MIER3: variants seen among roughly 807,000 people sequenced by gnomAD.
The protein encoded by MIER3 is mesoderm induction early response protein 3.
A neutral mutation model predicts 63.2 loss-of-function variants in MIER3; 9 were observed. The observed-to-expected ratio is 0.14, with a 90% CI of 0.09 to 0.25. The LOEUF (loss-of-function observed/expected upper bound fraction) is 0.25, where lower values mean the gene tolerates loss of function less well. MIER3 is among the 10% of genes least tolerant of loss of function. MIER3 has a pLI of 1.00. For synonymous variants in MIER3, 205 were observed against 224.9 expected, an observed-to-expected ratio of 0.91 and a Z score of 0.79; for missense variants, 512 against 666.2, an observed-to-expected ratio of 0.77 and a Z score of 2.55.
chr5:56,921,862 A>G lies in MIER3; in HGVS notation c.*1266T>C, dbSNP rs1017587713. 2.6e-5 allele frequency: 4 copies of G among 152,638 alleles called. No homozygotes were observed. The highest frequency in any genetic ancestry group is 2.1e-4 in the South Asian group (1 of 4,836). The allele number at this position is 152,638 out of a possible 1,614,324, so 9.5% of individuals were successfully genotyped here. Reference sequence around the variant, plus strand: ...TATTACATATTGTTTGATTCACCTTATAACTTAAAAATGCATGTTTATAGC... The same window carrying G: ...TATTACATATTGTTTGATTCACCTTGTAACTTAAAAATGCATGTTTATAGC... On this transcript the variant is annotated 3_prime_UTR_variant, in exon 13 of 13. Coordinates refer to ENST00000381199, the MANE Select transcript of MIER3 (RefSeq NM_001297599.2).
intron 3 of MIER3, among the ~76,000 whole-genome samples, chr5:56,939,689 G>A (rs1407603173): frequency 6.6e-6 from 1 of 152,090 alleles, no homozygotes; most frequent in Non-Finnish European, 1.5e-5. Flanking sequence ...TACATACCCT[G>A]GCTACAGTGC....
intron 10 of MIER3, among the ~76,000 whole-genome samples, chr5:56,924,829 G>T (rs1749881939): frequency 6.6e-6 from 1 of 152,218 alleles, no homozygotes; most frequent in Non-Finnish European, 1.5e-5. Context: ...ACCCGATAAA[G>T]AAGTTTCAGT....
Position 56,946,816 on chromosome 5 carries a change from GA to G in MIER3, c.180+109del, listed in dbSNP as rs368808899. 5.9e-3 allele frequency: 4,487 copies of G among 763,976 alleles called. 9 individuals carry two copies. Among genetic ancestry groups the G allele is most frequent in the East Asian group, 0.021 (580 of 27,886 alleles). The allele number at this position is 763,976 out of a possible 1,614,324, so 47.3% of individuals were successfully genotyped here. On this transcript the variant is annotated intron_variant, in intron 3 of 12. Transcript: ENST00000381199. ...TTAGGCTATCCCCCAAAATAAGAGT[GA>G]AAAAAAAAAGGATTATGATCCTATT... is the stretch of plus-strand genomic sequence containing the variant.
rs1185416370 is a variant in MIER3 at position 56,921,478 on chromosome 5, C to T, written c.*1650G>A. On this transcript the variant is annotated 3_prime_UTR_variant, in exon 13 of 13. Transcript: ENST00000381199. ...TATTAATTTAACTACTTTTTGTCCA[C>T]TGTGCTAAACTAAATTTTATACTAA... The T allele has an allele frequency of 6.6e-6, 1 of 152,608 alleles. No individual in the cohort carries two copies. The highest frequency in any genetic ancestry group is 2.4e-5 in the African/African-American group (1 of 41,458). The allele number at this position is 152,608 out of a possible 1,614,324, so 9.5% of individuals were successfully genotyped here. A position where few individuals can be genotyped will look rare whatever the true frequency, so the allele number is the denominator to read the frequency against.
intron 3 of MIER3, among the ~76,000 whole-genome samples, chr5:56,939,802 C>T (rs1750577158): frequency 6.6e-6 from 1 of 152,188 alleles, no homozygotes; most frequent in African/African-American, 2.4e-5. Context: ...CACAACGTAA[C>T]ATTCAGTACA....
intron 10 of MIER3, 76 bp downstream of exon 10, chr5:56,928,691 A>C: frequency 9.8e-7 from 1 of 1,025,180 alleles, no homozygotes; most frequent in Non-Finnish European, 1.5e-6. Context: ...CTTTTTTCCT[A>C]CTTAAGTGAC....
chr5:56,951,014 C>T (rs1223095925), intron 1 of MIER3, among the ~76,000 whole-genome samples: 1 of 152,172 alleles, frequency 6.6e-6, no homozygotes, highest in South Asian at 2.1e-4. Context: ...CCAAATCCCA[C>T]CCGGCTCTCC....
chr5:56,945,240 A>T (rs1486727471), intron 3 of MIER3, among the ~76,000 whole-genome samples: 1 of 152,166 alleles, frequency 6.6e-6, no homozygotes, highest in African/African-American at 2.4e-5. Context: ...AGGCAGGTGG[A>T]CTGCCTGAGG....
At chr5:56,947,995 C>G (rs1393380377) in intron 2 of MIER3, among the ~76,000 whole-genome samples, 1 of 152,120 alleles carries the variant, frequency 6.6e-6, no homozygotes, top group Non-Finnish European at 1.5e-5. Flanking sequence ...CAATTAGACC[C>G]GTAACCCTCA....
chr5:56,944,480 CAA>C (rs1227372669), intron 3 of MIER3, among the ~76,000 whole-genome samples: 4 of 122,102 alleles, frequency 3.3e-5, no homozygotes. Context: ...GACTCCGTCT[CAA>C]AAAAAAAAAA....
At chr5:56,930,635 T>A (rs1390399247) in intron 9 of MIER3, 29 bp downstream of exon 9, 1 of 1,582,112 alleles carries the variant, frequency 6.3e-7, no homozygotes, top group South Asian at 1.1e-5. Context: ...CCCTGTCATG[T>A]CCCTCTCTTA....
rs1449693628 is a variant in MIER3, at chr5:56,923,544, C to T, written c.1237G>A (p.Val413Met). 6.2e-7 allele frequency: 1 copy of T among 1,614,100 alleles called. No homozygotes were observed. The highest frequency in any genetic ancestry group is 1.7e-5 in the Admixed American group (1 of 60,004). Residue 413 changes from valine to methionine, a missense_variant, in exon 13 of 13, where the codon GTG (valine) becomes ATG (methionine). Val to Met is a conservative substitution (Grantham distance 21). Transcript: ENST00000381199. ...SVATVCDPTD[V>M]NCLDDSFPPL... ...GGAAAGCTATCATCCAAACAATTCA[C>T]ATCTGTGGGGTCGCAGACGGTTGCT... is the stretch of plus-strand genomic sequence containing the variant.
intron 10 of MIER3, among the ~76,000 whole-genome samples, chr5:56,925,783 A>G (rs1188312622): frequency 6.6e-6 from 1 of 152,136 alleles, no homozygotes; most frequent in African/African-American, 2.4e-5. Context: ...TACCCAGAAT[A>G]GCCAACATAG....
chr5:56,939,454 C>T (rs928784347), intron 3 of MIER3, among the ~76,000 whole-genome samples: 1 of 152,186 alleles, frequency 6.6e-6, no homozygotes, highest in Non-Finnish European at 1.5e-5. Context: ...GGTAGAAAAC[C>T]TTTGCTGAAT....
At chr5:56,944,275 T>C (rs1304130965) in intron 3 of MIER3, among the ~76,000 whole-genome samples, 1 of 150,574 alleles carries the variant, frequency 6.6e-6, no homozygotes, top group Non-Finnish European at 1.5e-5. Flanking sequence ...ATCGAGACCA[T>C]CCTGGCTAAC....
At chr5:56,950,571 C>G (rs746362766) in intron 2 of MIER3, 57 bp downstream of exon 2, 60 of 1,581,172 alleles carry the variant, frequency 3.8e-5, no homozygotes, top group Non-Finnish European at 5.0e-5. Context: ...AGCAACAGAC[C>G]TTTGAGCCCA....
At chr5:56,935,896 T>C (rs1185390059) in intron 5 of MIER3, 145 bp from the exon 6 acceptor site, 6 of 652,344 alleles carry the variant, frequency 9.2e-6, no homozygotes, top group East Asian at 2.7e-5. Flanking sequence ...ACAATCGACA[T>C]TGGTCAAAAT....
chr5:56,947,678 A>G (rs957060405), intron 2 of MIER3, among the ~76,000 whole-genome samples: 3 of 152,218 alleles, frequency 2.0e-5, no homozygotes, highest in African/African-American at 7.2e-5. Flanking sequence ...CCCTAGCATT[A>G]ATCAGACAAG....
Position 56,937,646 on chromosome 5 carries a change from G to A in MIER3, c.368C>T (p.Ser123Phe). 1 of 1,612,364 alleles carries A rather than the reference G, an allele frequency of 6.2e-7. No individual in the cohort carries two copies. The highest frequency in any genetic ancestry group is 8.5e-7 in the Non-Finnish European group (1 of 1,179,116). The part of the protein sequence containing the change: ...LSGDDEETQS[S>F]ADDLTPSVTS... ...CACAGATGGCGTCAGATCATCCGCA[G>A]AAGACTGAGTTTCCTCGTCATCACC... Residue 123 changes from serine to phenylalanine, a missense_variant, in exon 5 of 13, where the codon TCT becomes TTT. Coordinates refer to ENST00000381199, the MANE Select transcript of MIER3 (RefSeq NM_001297599.2).
Sources: allele counts gnomAD v4.1 joint callset (sites outside exome capture counted in the v4.1 genomes callset), GRCh38; gene constraint gnomAD v4.1.1; transcripts MANE v1.5; gene names NCBI Gene and HGNC (gene_info 2026-07-23, HGNC 2026-07-21).